The following WWOX variants were observed in gnomAD, a reference collection of about 807,000 sequenced individuals.
WWOX encodes WW domain containing oxidoreductase.
WWOX carries 69 observed loss-of-function variants against 46.2 expected under a neutral mutation model. The observed-to-expected ratio is 1.49, with a 90% confidence interval of 1.23 to 1.82. The LOEUF is 1.82. WWOX is among the 40% of genes most tolerant of loss of function. The probability of loss-of-function intolerance (pLI) is 0.00; values close to 1 mark genes in which losing one functional copy is unlikely to be tolerated. For synonymous variants in WWOX, 359 were observed against 202.6 expected, an observed-to-expected ratio of 1.77 and a Z score of -6.56; for missense variants, 919 against 542.6, an observed-to-expected ratio of 1.69 and a Z score of -6.89.
rs114556410 is a variant in WWOX at position 78,597,309 on chromosome 16, C to T, written c.1056+164557C>T. On this transcript the variant is annotated intron_variant, in intron 8 of 8. Coordinates refer to ENST00000566780, the MANE Select transcript of WWOX (RefSeq NM_016373.4). ...ATCAATTAAACGGATACTATTAGCACCTACTGTGTGCCGGGCACTGTACTT... is the reference window on the plus strand; with the variant it reads ...ATCAATTAAACGGATACTATTAGCATCTACTGTGTGCCGGGCACTGTACTT... Among the ~76,000 whole-genome samples, 19 of 152,262 alleles carry T rather than the reference C, an allele frequency of 1.2e-4. No homozygotes were observed. In the South Asian group the frequency reaches 3.5e-3, roughly 28 times the overall value.
At chr16:79,147,104 T>C (rs2050196126) in intron 8 of WWOX, among the ~76,000 whole-genome samples, 1 of 152,196 alleles carries the variant, frequency 6.6e-6, no homozygotes, top group African/African-American at 2.4e-5. Context: ...CTCAAGTGTG[T>C]ATATGTGTGT....
Position 78,874,116 on chromosome 16 carries a change from C to T in WWOX, c.1057-337492C>T, listed in dbSNP as rs2656632. On this transcript the variant is annotated intron_variant, in intron 8 of 8. Transcript: ENST00000566780. The stretch of plus-strand genomic sequence containing the variant: ...ATTATTTAAAAAAAAAATAGCTGGG[C>T]ATGGTGGCACACGTCTGTAATCCCA... 8.4e-3 allele frequency among the ~76,000 whole-genome samples: 1,273 copies of T among 151,866 alleles called. 4 individuals are homozygous for T. Among genetic ancestry groups the T allele is most frequent in the Non-Finnish European group, 0.013 (875 of 67,942 alleles).
chr16:78,534,312 A>AT (rs1555556980), intron 8 of WWOX: 1 of 152,208 alleles, frequency 6.6e-6, no homozygotes, highest in African/African-American at 2.4e-5. Context: ...TGCTTGGCAT[A>AT]TAGCTGCTCA....
At chr16:78,455,086 G>C (rs904372169) in intron 8 of WWOX, among the ~76,000 whole-genome samples, 7 of 152,232 alleles carry the variant, frequency 4.6e-5, no homozygotes, top group Non-Finnish European at 8.8e-5. Context: ...ATGTGAAAGG[G>C]AGGTGAGATG....
chr16:79,053,946 G>C (rs1354510585), intron 8 of WWOX, among the ~76,000 whole-genome samples: 1 of 151,872 alleles, frequency 6.6e-6, no homozygotes, highest in African/African-American at 2.4e-5. Flanking sequence ...AGAACTAAGA[G>C]GATTTTTCTT....
intron 8 of WWOX, among the ~76,000 whole-genome samples, chr16:78,773,228 AAGT>A (rs1403036429): frequency 6.6e-6 from 1 of 152,144 alleles, no homozygotes; most frequent in African/African-American, 2.4e-5. Context: ...TTCTATTAAT[AAGT>A]AGAGCCCGAG....
chr16:78,917,734 C>T (rs2045285488), intron 8 of WWOX, among the ~76,000 whole-genome samples: 1 of 152,006 alleles, frequency 6.6e-6, no homozygotes, highest in Non-Finnish European at 1.5e-5. Flanking sequence ...GTAGTGCCTC[C>T]AGAACCAAAC....
intron 5 of WWOX, among the ~76,000 whole-genome samples, chr16:78,292,944 A>G (rs1463780626): frequency 6.6e-6 from 1 of 152,222 alleles, no homozygotes; most frequent in African/African-American, 2.4e-5. Context: ...TCACAGCCTC[A>G]TGGAGACACC....
intron 8 of WWOX, among the ~76,000 whole-genome samples, chr16:79,185,781 G>T (rs2051001173): frequency 6.6e-6 from 1 of 152,150 alleles, no homozygotes; most frequent in South Asian, 2.1e-4. Flanking sequence ...AAACGAGAGG[G>T]TGTGGTTCTC....
chr16:78,395,822 C>T (rs1461131550), intron 6 of WWOX, among the ~76,000 whole-genome samples: 1 of 151,988 alleles, frequency 6.6e-6, no homozygotes, highest in African/African-American at 2.4e-5. Context: ...TGATGGAAAG[C>T]CATGGACCCA....
At chr16:78,263,844 C>G (rs1722318698) in intron 5 of WWOX, among the ~76,000 whole-genome samples, 1 of 152,242 alleles carries the variant, frequency 6.6e-6, no homozygotes, top group South Asian at 2.1e-4. Flanking sequence ...CTCTAGAAGT[C>G]TCTGCCTTGG....
chr16:78,589,442 C>T (rs905370420), intron 8 of WWOX, among the ~76,000 whole-genome samples: 1 of 152,156 alleles, frequency 6.6e-6, no homozygotes, highest in Admixed American at 6.5e-5. Context: ...TGCCTTCTTT[C>T]ACTAGCTTTA....
chr16:78,203,059 A>G (rs373487332), intron 5 of WWOX, among the ~76,000 whole-genome samples: 1 of 152,210 alleles, frequency 6.6e-6, no homozygotes, highest in East Asian at 1.9e-4. Flanking sequence ...ACAAAACACA[A>G]TCACATCCTG....
At chr16:79,202,238 C>A (rs1371955541) in intron 8 of WWOX, among the ~76,000 whole-genome samples, 2 of 152,072 alleles carry the variant, frequency 1.3e-5, no homozygotes, top group African/African-American at 2.4e-5. Context: ...CTATTATATA[C>A]AGGAAAGAAT....
chr16:78,422,690 C>CACATATATATAT lies in WWOX; in HGVS notation c.606-2177_606-2176insTATATATATACA, dbSNP rs2082965233. Among the ~76,000 whole-genome samples the CACATATATATAT allele has an allele frequency of 1.9e-4, 4 of 20,710 alleles. No homozygotes were observed. In the Admixed American group the frequency reaches 2.2e-3, roughly 11 times the overall value. 13.6% of individuals were successfully genotyped at this position (20,710 alleles called of 152,430 possible). On this transcript the variant is annotated intron_variant, in intron 6 of 8. Transcript: ENST00000566780. ...ATATATATATATATATATATACACA[C>CACATATATATAT]ACACACACACATATATATATACACA...
At chr16:78,814,418 T>C (rs1185131798) in intron 8 of WWOX, among the ~76,000 whole-genome samples, 1 of 152,022 alleles carries the variant, frequency 6.6e-6, no homozygotes, top group Non-Finnish European at 1.5e-5. Context: ...CTGTAATCCT[T>C]ACATCCCCTA....
intron 6 of WWOX, among the ~76,000 whole-genome samples, chr16:78,419,818 T>G (rs1202277193): frequency 6.6e-6 from 1 of 152,040 alleles, no homozygotes. Context: ...TGAAAAGTGT[T>G]TGTGCTGCAA....
At chr16:79,055,336 T>G (rs1355875000) in intron 8 of WWOX, among the ~76,000 whole-genome samples, 1 of 152,216 alleles carries the variant, frequency 6.6e-6, no homozygotes, top group Non-Finnish European at 1.5e-5. Flanking sequence ...CATTGAGAGA[T>G]AGAGTTGAAT....
At chr16:78,483,422 AT>A (rs367626448) in intron 8 of WWOX, among the ~76,000 whole-genome samples, 24,559 of 133,764 alleles carry the variant, frequency 0.18, 2,108 homozygotes, top group Non-Finnish European at 0.22. Context: ...TCTGCGTAGA[AT>A]TTTTTTTTTT....
Sources: allele counts gnomAD v4.1 joint callset (sites outside exome capture counted in the v4.1 genomes callset), GRCh38; gene constraint gnomAD v4.1.1; transcripts MANE v1.5; gene names NCBI Gene and HGNC (gene_info 2026-07-23, HGNC 2026-07-21).